The following ULK4 variants were observed in gnomAD, a reference collection of about 807,000 sequenced individuals.
ULK4 encodes the protein inactive serine/threonine-protein kinase ULK4.
A neutral mutation model predicts 160.6 loss-of-function variants in ULK4; 133 were observed. The ratio of observed to expected loss-of-function variants is 0.83; its 90% CI spans 0.72 to 0.96. The LOEUF is 0.96. ULK4 is among the 40% of genes least tolerant of loss of function. ULK4 has a pLI of 0.00. For missense variants in ULK4, 1,580 were observed against 1,499.5 expected (o/e 1.05, Z -0.89); for synonymous variants, 534 against 539.8 (o/e 0.99, Z 0.15).
At chr3:41,861,949 G>A (rs1181368843) in intron 17 of ULK4, among the ~76,000 whole-genome samples, 1 of 151,940 alleles carries the variant, frequency 6.6e-6, no homozygotes, top group Non-Finnish European at 1.5e-5. Context: ...AGCTTCCAGA[G>A]TACAGGCTCA....
chr3:41,780,745 C>A (rs1575697495), intron 21 of ULK4, among the ~76,000 whole-genome samples: 1 of 152,160 alleles, frequency 6.6e-6, no homozygotes, highest in Admixed American at 6.5e-5. Context: ...ACTTAGGGAA[C>A]CCCAAAGCTA....
intron 35 of ULK4, among the ~76,000 whole-genome samples, chr3:41,251,305 G>T (rs1469882329): frequency 6.6e-5 from 10 of 152,152 alleles, no homozygotes; most frequent in African/African-American, 2.4e-4. Context: ...TGTATATAAG[G>T]ATGAGTTAAT....
intron 32 of ULK4, among the ~76,000 whole-genome samples, chr3:41,565,781 G>C (rs951049267): frequency 1.3e-5 from 2 of 152,154 alleles, no homozygotes; most frequent in African/African-American, 2.4e-5. Context: ...TAAATACTAT[G>C]ATTACACCTC....
At chr3:41,551,727 T>C (rs1024999085) in intron 32 of ULK4, among the ~76,000 whole-genome samples, 13 of 151,868 alleles carry the variant, frequency 8.6e-5, no homozygotes, top group Admixed American at 2.0e-4. Flanking sequence ...CCACCAAATA[T>C]TGCAAAGAAA....
chr3:41,605,310 ATAT>A (rs1478825086), intron 31 of ULK4, among the ~76,000 whole-genome samples: 3 of 151,960 alleles, frequency 2.0e-5, no homozygotes, highest in East Asian at 3.8e-4. Context: ...TAAAAGACTA[ATAT>A]TATTAGATTG....
At chr3:41,923,454 C>T (rs140055809) in intron 5 of ULK4, among the ~76,000 whole-genome samples, 7 of 152,206 alleles carry the variant, frequency 4.6e-5, no homozygotes, top group South Asian at 2.1e-4. Context: ...GCTGAGATCA[C>T]GCCACTGCAC....
intron 34 of ULK4, among the ~76,000 whole-genome samples, chr3:41,420,558 T>C (rs1304432907): frequency 2.9e-5 from 4 of 138,846 alleles, no homozygotes; most frequent in Non-Finnish European, 4.6e-5. Flanking sequence ...TCTCGGCTAA[T>C]TGCAACCTCC....
intron 32 of ULK4, among the ~76,000 whole-genome samples, chr3:41,533,156 T>C (rs2086380034): frequency 6.6e-6 from 1 of 152,096 alleles, no homozygotes; most frequent in South Asian, 2.1e-4. Context: ...CAGCTGACAC[T>C]GTGGAGCCCA....
chr3:41,568,670 TCTCA>T (rs1374418291), intron 31 of ULK4, among the ~76,000 whole-genome samples: 1 of 152,216 alleles, frequency 6.6e-6, no homozygotes, highest in African/African-American at 2.4e-5. Context: ...TTTTCTCTTC[TCTCA>T]CTCAGTAATA....
At chr3:41,509,261 T>A (rs1466854360) in intron 32 of ULK4, among the ~76,000 whole-genome samples, 1 of 151,896 alleles carries the variant, frequency 6.6e-6, no homozygotes. Context: ...ATTAATCCAA[T>A]GCATCAAAGA....
At chr3:41,300,851 A>T (rs1372695257) in intron 35 of ULK4, among the ~76,000 whole-genome samples, 1 of 75,926 alleles carries the variant, frequency 1.3e-5, no homozygotes, top group South Asian at 3.6e-4. Context: ...ATATATATAT[A>T]TATATATATA....
intron 35 of ULK4, among the ~76,000 whole-genome samples, chr3:41,367,616 G>C (rs1481417358): frequency 6.6e-6 from 1 of 152,132 alleles, no homozygotes; most frequent in Non-Finnish European, 1.5e-5. Context: ...CCTGCTTATG[G>C]TGGTATGTGG....
intron 30 of ULK4, among the ~76,000 whole-genome samples, chr3:41,636,733 T>C (rs2033966589): frequency 6.6e-6 from 1 of 151,912 alleles, no homozygotes; most frequent in Admixed American, 6.6e-5. Flanking sequence ...ATTAGGTATA[T>C]CTCCTAATGC....
At chr3:41,667,317 G>A (rs569353594) in intron 29 of ULK4, among the ~76,000 whole-genome samples, 15 of 152,224 alleles carry the variant, frequency 9.9e-5, no homozygotes, top group Non-Finnish European at 1.5e-4. Flanking sequence ...AAAGAATATC[G>A]TTCTGTTTTC....
chr3:41,319,724 C>T (rs976378160), intron 35 of ULK4, among the ~76,000 whole-genome samples: 2 of 152,132 alleles, frequency 1.3e-5, no homozygotes, highest in Admixed American at 6.5e-5. Context: ...CTCATGTAAT[C>T]CTCATAAGAA....
At chr3:41,506,767 A>AAAAAAAAAATAT in intron 32 of ULK4, among the ~76,000 whole-genome samples, 1 of 56,794 alleles carries the variant, frequency 1.8e-5, no homozygotes, top group African/African-American at 8.2e-5. Context: ...TGTGATTTAA[A>AAAAAAAAAATAT]ATATATATAT....
chr3:41,901,932 T>C lies in ULK4; in HGVS notation c.1183-1103A>G, dbSNP rs1368316596. On this transcript the variant is annotated intron_variant, in intron 12 of 36. Coordinates refer to ENST00000301831, the MANE Select transcript of ULK4 (RefSeq NM_017886.4). Reference sequence around the variant, plus strand: ...TTAAACCTCAATTATTTATTAAGCCTAGTTAGAGTTGATACATAATGAAAT... The same window carrying C: ...TTAAACCTCAATTATTTATTAAGCCCAGTTAGAGTTGATACATAATGAAAT... Among the ~76,000 whole-genome samples, 6 of 152,162 alleles carry C rather than the reference T, an allele frequency of 3.9e-5. No individual in the cohort carries two copies. The East Asian group carries it at 1.2e-3, about 29-fold the overall frequency.
chr3:41,688,348 G>A (rs1188520518), intron 27 of ULK4, among the ~76,000 whole-genome samples: 1 of 152,158 alleles, frequency 6.6e-6, no homozygotes, highest in Non-Finnish European at 1.5e-5. Flanking sequence ...GAGCCCAGGA[G>A]TTTGAGACCA....
chr3:41,441,941 T>G (rs572825734), intron 34 of ULK4, among the ~76,000 whole-genome samples: 3 of 152,340 alleles, frequency 2.0e-5, no homozygotes, highest in African/African-American at 7.2e-5. Context: ...GGCAACAGTT[T>G]TGCTCTGAAA....
Sources: allele counts gnomAD v4.1 joint callset (sites outside exome capture counted in the v4.1 genomes callset), GRCh38; gene constraint gnomAD v4.1.1; transcripts MANE v1.5; gene names NCBI Gene and HGNC (gene_info 2026-07-23, HGNC 2026-07-21).